FBXL2: variants seen among roughly 807,000 people sequenced by gnomAD.
The protein encoded by FBXL2 is F-box/LRR-repeat protein 2.
Under a neutral mutation model 69.2 loss-of-function variants are expected in FBXL2, and 38 were observed. That is an observed-to-expected ratio of 0.55 (90% confidence interval 0.42 to 0.72). The LOEUF (loss-of-function observed/expected upper bound fraction) is 0.72. FBXL2 is among the 30% of genes least tolerant of loss of function. The probability of loss-of-function intolerance (pLI) is 0.00; values close to 1 mark genes in which losing one functional copy is unlikely to be tolerated. For synonymous variants in FBXL2, 192 were observed against 201.3 expected, an observed-to-expected ratio of 0.95 and a Z score of 0.39; for missense variants, 354 against 520.3, an observed-to-expected ratio of 0.68 and a Z score of 3.11.
intron 2 of FBXL2, chr3:33,303,260 G>T (rs183384636): frequency 2.3e-5 from 10 of 438,796 alleles, no homozygotes; most frequent in African/African-American, 1.4e-4. Flanking sequence ...TGGTTTGCTC[G>T]CTCTCGTGGT....
intron 12 of FBXL2, chr3:33,393,599 C>T: frequency 1.5e-6 from 1 of 684,792 alleles, no homozygotes; most frequent in Non-Finnish European, 2.1e-6. Context: ...TAAACTATTT[C>T]TTTCCCCCAT....
downstream of FBXL2, among the ~76,000 whole-genome samples, chr3:33,408,127 T>C (rs1285488817): frequency 6.6e-6 from 1 of 152,112 alleles, no homozygotes; most frequent in Non-Finnish European, 1.5e-5. Flanking sequence ...GTTTTTTTTT[T>C]TCTACCAGTG....
intron 1 of FBXL2, among the ~76,000 whole-genome samples, chr3:33,281,219 A>G (rs1391088911): frequency 1.4e-5 from 2 of 144,856 alleles, no homozygotes; most frequent in Non-Finnish European, 3.0e-5. Flanking sequence ...AACAGGCCCC[A>G]GTGTGTGATG....
At chr3:33,308,425 T>C (rs992775674) in intron 2 of FBXL2, among the ~76,000 whole-genome samples, 9 of 152,240 alleles carry the variant, frequency 5.9e-5, no homozygotes, top group Non-Finnish European at 1.0e-4. Context: ...TTCATACTTA[T>C]ATTGCTCATT....
chr3:33,323,415 C>T (rs1259379073), intron 2 of FBXL2, among the ~76,000 whole-genome samples: 1 of 152,136 alleles, frequency 6.6e-6, no homozygotes, highest in African/African-American at 2.4e-5. Flanking sequence ...CACCCATCAA[C>T]CTGCCATCTA....
intron 1 of FBXL2, among the ~76,000 whole-genome samples, chr3:33,294,148 G>A (rs1038651003): frequency 2.0e-5 from 3 of 152,174 alleles, no homozygotes; most frequent in African/African-American, 7.2e-5. Context: ...CTAGGCTGGA[G>A]TGCAGTAGCG....
At chr3:33,310,051 C>T (rs1041246838) in intron 2 of FBXL2, among the ~76,000 whole-genome samples, 2 of 152,128 alleles carry the variant, frequency 1.3e-5, no homozygotes, top group South Asian at 4.1e-4. Flanking sequence ...CTTTCCTCCC[C>T]TTGACATTTT....
At chr3:33,412,856 T>C in the FBXL2 span, 1 of 1,450,494 alleles carries the variant, frequency 6.9e-7, no homozygotes, top group Admixed American at 1.7e-5. Context: ...AAATGAGTAC[T>C]TTTAAACTGC....
chr3:33,404,712 T>C (rs2044370626), downstream of FBXL2, among the ~76,000 whole-genome samples: 1 of 152,180 alleles, frequency 6.6e-6, no homozygotes, highest in Non-Finnish European at 1.5e-5. Flanking sequence ...CAGGTGATTT[T>C]CAATTATTTG....
intron 12 of FBXL2, chr3:33,402,988 A>C: frequency 1.7e-6 from 2 of 1,152,772 alleles, no homozygotes; most frequent in Non-Finnish European, 2.5e-6. Context: ...CACTAACCAA[A>C]TGCAAGATTA....
At chr3:33,383,934 C>T (rs1406049691) in intron 13 of FBXL2, 55 bp from the exon 14 acceptor site, 1 of 1,568,336 alleles carries the variant, frequency 6.4e-7, no homozygotes, top group Admixed American at 1.7e-5. Context: ...TTTTTTAGGA[C>T]TTGAGCCTTG....
At chr3:33,394,880 T>C (rs966559266) in intron 12 of FBXL2, among the ~76,000 whole-genome samples, 1 of 151,010 alleles carries the variant, frequency 6.6e-6, no homozygotes, top group African/African-American at 2.4e-5. Flanking sequence ...AATTTACATA[T>C]TGTCTATGGC....
At chr3:33,319,022 T>C (rs1310084659) in intron 2 of FBXL2, among the ~76,000 whole-genome samples, 1 of 152,240 alleles carries the variant, frequency 6.6e-6, no homozygotes, top group Non-Finnish European at 1.5e-5. Context: ...ACTTCATTAT[T>C]TGTAAAGCAC....
intron 1 of FBXL2, among the ~76,000 whole-genome samples, chr3:33,285,970 C>T (rs1284446551): frequency 2.6e-5 from 4 of 152,134 alleles, no homozygotes; most frequent in Non-Finnish European, 4.4e-5. Context: ...AGCTTCTTTG[C>T]GATGGGTTCG....
At chr3:33,345,229 C>A (rs1341636159) in intron 2 of FBXL2, among the ~76,000 whole-genome samples, 1 of 152,132 alleles carries the variant, frequency 6.6e-6, no homozygotes, top group East Asian at 1.9e-4. Flanking sequence ...TTGGCTGTGT[C>A]ACTCATCAGT....
At chr3:33,418,783 T>G in the FBXL2 span, among the ~76,000 whole-genome samples, 1 of 143,538 alleles carries the variant, frequency 7.0e-6, no homozygotes, top group Admixed American at 7.5e-5. Context: ...CGCTTGAACC[T>G]GGGAGGCGGA....
chr3:33,403,368 G>A (rs572102192), exon 13 of FBXL2: 1 of 210,562 alleles, frequency 4.7e-6, no homozygotes, highest in Admixed American at 5.3e-5. Context: ...CTTCCCTAAT[G>A]AGCAGCCTCA....
At chr3:33,363,966 A>G (rs1034611253) in intron 4 of FBXL2, among the ~76,000 whole-genome samples, 3 of 152,150 alleles carry the variant, frequency 2.0e-5, no homozygotes, top group African/African-American at 7.2e-5. Context: ...AGACCCCCCA[A>G]CACCAACCCT....
chr3:33,403,738 G>A (rs2044332394), downstream of FBXL2: 1 of 152,206 alleles, frequency 6.6e-6, no homozygotes, highest in African/African-American at 2.4e-5. Flanking sequence ...GGTTGAAAAA[G>A]TCAGTCAAAA....
Sources: gnomAD v4.1 joint callset for allele counts (sites outside exome capture counted in the v4.1 genomes callset) on GRCh38, gnomAD v4.1.1 for gene constraint, MANE v1.5 for transcripts, NCBI Gene and HGNC (gene_info 2026-07-23, HGNC 2026-07-21) for gene names.